The following CFAP77 variants were observed in gnomAD, a reference collection of about 807,000 sequenced individuals.
CFAP77 encodes cilia and flagella associated protein 77.
Under a neutral mutation model 31.1 loss-of-function variants are expected in CFAP77, and 25 were observed. That is an observed-to-expected ratio of 0.80 (90% CI 0.59 to 1.12). The LOEUF is 1.12. CFAP77 is among the 50% of genes most tolerant of loss of function. CFAP77 has a pLI of 0.00. For missense variants in CFAP77, 377 were observed against 397.3 expected, an observed-to-expected ratio of 0.95 and a Z score of 0.44; for synonymous variants, 151 against 159.9, an observed-to-expected ratio of 0.94 and a Z score of 0.42.
chr9:132,467,592 T>G (rs1851177722), intron 1 of CFAP77, among the ~76,000 whole-genome samples: 1 of 152,206 alleles, frequency 6.6e-6, no homozygotes, highest in African/African-American at 2.4e-5. Context: ...TGTTCATTCT[T>G]CCATCGATGG....
intron 1 of CFAP77, among the ~76,000 whole-genome samples, chr9:132,487,042 G>A (rs1851573801): frequency 6.6e-6 from 1 of 152,268 alleles, no homozygotes; most frequent in South Asian, 2.1e-4. Flanking sequence ...GGCGGGGCAG[G>A]CCTGAGGACG....
At chr9:132,570,886 T>TG (rs1829949762) in intron 5 of CFAP77, among the ~76,000 whole-genome samples, 1 of 152,112 alleles carries the variant, frequency 6.6e-6, no homozygotes, top group Non-Finnish European at 1.5e-5. Flanking sequence ...CAATTCCCTA[T>TG]GGGGGCAGCC....
intron 3 of CFAP77, among the ~76,000 whole-genome samples, chr9:132,520,532 C>T (rs1437831716): frequency 2.0e-5 from 3 of 152,156 alleles, no homozygotes; most frequent in Non-Finnish European, 4.4e-5. Context: ...GTAGTCCCAG[C>T]TACTCAGGAG....
intron 1 of CFAP77, among the ~76,000 whole-genome samples, chr9:132,432,222 A>G (rs1427976503): frequency 6.6e-6 from 1 of 152,204 alleles, no homozygotes; most frequent in African/African-American, 2.4e-5. Context: ...AGGACACAAT[A>G]TAAGTGAGCC....
chr9:132,537,783 G>A (rs1410621121), intron 4 of CFAP77, 77 bp downstream of exon 4: 7 of 1,061,104 alleles, frequency 6.6e-6, no homozygotes, highest in African/African-American at 3.1e-5. Flanking sequence ...GCCAAGCATC[G>A]AGATGACACT....
intron 1 of CFAP77, among the ~76,000 whole-genome samples, chr9:132,452,785 C>A (rs1040304968): frequency 1.3e-5 from 2 of 152,024 alleles, no homozygotes; most frequent in African/African-American, 2.4e-5. Context: ...GTGCTCTGTC[C>A]CAGAAGGAAC....
intron 1 of CFAP77, among the ~76,000 whole-genome samples, chr9:132,486,094 T>TA (rs761131170): frequency 0.098 from 7,395 of 75,436 alleles, 1,354 homozygotes; most frequent in Non-Finnish European, 0.13. Context: ...ATATATATTT[T>TA]TTTTTTTTTT....
At chr9:132,450,324 G>A (rs970872545) in intron 1 of CFAP77, among the ~76,000 whole-genome samples, 14 of 152,068 alleles carry the variant, frequency 9.2e-5, no homozygotes, top group African/African-American at 3.4e-4. Flanking sequence ...GGAGAAGGAT[G>A]CAATGTGTGA....
At chr9:132,533,318 G>A (rs1852490059) in intron 3 of CFAP77, among the ~76,000 whole-genome samples, 1 of 152,200 alleles carries the variant, frequency 6.6e-6, no homozygotes, top group East Asian at 1.9e-4. Flanking sequence ...GTAGGCTGAG[G>A]AACCCCTGTG....
chr9:132,464,912 A>T (rs1047554425), intron 1 of CFAP77, among the ~76,000 whole-genome samples: 1 of 151,998 alleles, frequency 6.6e-6, no homozygotes, highest in Non-Finnish European at 1.5e-5. Flanking sequence ...GCCAACTAAA[A>T]ATACAAAAAT....
In CFAP77 at chr9:132,532,496, C is replaced by G. The variant is rs573160471; in HGVS notation, c.525-5105C>G. On this transcript the variant is annotated intron_variant, in intron 3 of 5. Coordinates refer to ENST00000393216, the MANE Select transcript of CFAP77 (RefSeq NM_001282957.2). ...CAGCATGGGCAGAACTTACAAATGTCAACACACTCCAGGAAGTTGTTTTTT... is the reference window on the plus strand; with the variant it reads ...CAGCATGGGCAGAACTTACAAATGTGAACACACTCCAGGAAGTTGTTTTTT... 5.9e-5 allele frequency among the ~76,000 whole-genome samples: 9 copies of G among 152,290 alleles called. No individual in the cohort carries two copies. The South Asian group carries it at 8.3e-4, about 14-fold the overall frequency.
Position 132,568,091 on chromosome 9 carries a change from G to A in CFAP77, c.733-4297G>A, listed in dbSNP as rs972950032. On this transcript the variant is annotated intron_variant, in intron 5 of 5. Transcript: ENST00000393216. ...GGACAGGGCTGAGAGGTGGTCTGCA[G>A]AGCTATACTCCCCTATGAAGAGCCA... Among the ~76,000 whole-genome samples, 2 of 152,166 alleles carry A rather than the reference G, an allele frequency of 1.3e-5. 1 individual carries two copies. The highest frequency in any genetic ancestry group is 1.3e-4 in the Admixed American group (2 of 15,278).
chr9:132,424,084 A>G lies in CFAP77; in HGVS notation c.195+13618A>G, dbSNP rs934122191. ...AGTTGACTGCACAAGGCTGAAACCAATGCAGCCAAGACATCCATGGCTGTT... is the reference window on the plus strand; with the variant it reads ...AGTTGACTGCACAAGGCTGAAACCAGTGCAGCCAAGACATCCATGGCTGTT... On this transcript the variant is annotated intron_variant, in intron 1 of 5. Coordinates refer to ENST00000393216, the MANE Select transcript of CFAP77 (RefSeq NM_001282957.2). The surrounding 1 kb of genome is among the most constrained non-coding windows in gnomAD (Gnocchi z 4.1). Among the ~76,000 whole-genome samples, 1 of 152,214 alleles carries G rather than the reference A, an allele frequency of 6.6e-6. No individual in the cohort carries two copies. The highest frequency in any genetic ancestry group is 1.5e-5 in the Non-Finnish European group (1 of 68,030).
chr9:132,428,765 A>G (rs996535436), intron 1 of CFAP77, among the ~76,000 whole-genome samples: 2 of 152,030 alleles, frequency 1.3e-5, no homozygotes, highest in Non-Finnish European at 2.9e-5. Context: ...AGACTAGGGA[A>G]CACACCCAGG....
chr9:132,532,364 G>A (rs1273790042), intron 3 of CFAP77, among the ~76,000 whole-genome samples: 1 of 152,218 alleles, frequency 6.6e-6, no homozygotes, highest in East Asian at 1.9e-4. Flanking sequence ...GAGGAGCCCG[G>A]CAGAGAGCGG....
At chr9:132,492,712 G>A (rs765547210) in intron 1 of CFAP77, among the ~76,000 whole-genome samples, 12 of 152,318 alleles carry the variant, frequency 7.9e-5, no homozygotes, top group South Asian at 2.1e-4. Flanking sequence ...CAGGGGAGCC[G>A]GGCATGTGGA....
intron 5 of CFAP77, among the ~76,000 whole-genome samples, chr9:132,559,346 C>CAAAAAAAAAACAAAAAAAAAAAAAAAAAA (rs1852958373): frequency 1.8e-5 from 1 of 56,082 alleles, no homozygotes; most frequent in Non-Finnish European, 3.2e-5. Context: ...CTCTGTCTTG[C>CAAAAAAAAAACAAAAAAAAAAAAAAAAAA]AAAAAAAAAA....
intron 1 of CFAP77, among the ~76,000 whole-genome samples, chr9:132,478,262 G>A (rs1851383723): frequency 6.6e-6 from 1 of 152,082 alleles, no homozygotes; most frequent in South Asian, 2.1e-4. Context: ...TCTGAGTTCT[G>A]TGGGTCCTTC....
In CFAP77 at chr9:132,564,899, T is replaced by G; in HGVS notation, c.733-7489T>G. Among the ~76,000 whole-genome samples the G allele has an allele frequency of 6.6e-6, 1 of 152,220 alleles. No homozygotes were observed. The highest frequency in any genetic ancestry group is 2.4e-5 in the African/African-American group (1 of 41,524). On this transcript the variant is annotated intron_variant, in intron 5 of 5. Coordinates refer to ENST00000393216, the MANE Select transcript of CFAP77 (RefSeq NM_001282957.2). This position sits in a 1 kb window ranked among gnomAD's most constrained non-coding sequence, Gnocchi z 4.6. ...CTGCGGTGCTGAGGAAGGGGCCTGCTGTCTGGCGGCTGGTCTCAGCTCTGC... is the reference window on the plus strand; with the variant it reads ...CTGCGGTGCTGAGGAAGGGGCCTGCGGTCTGGCGGCTGGTCTCAGCTCTGC...
Sources: gnomAD v4.1 joint callset for allele counts (sites outside exome capture counted in the v4.1 genomes callset) on GRCh38, gnomAD v4.1.1 for gene constraint, Gnocchi (gnomAD v3.1) non-coding constraint, MANE v1.5 for transcripts, NCBI Gene and HGNC (gene_info 2026-07-23, HGNC 2026-07-21) for gene names.